ODAD4: variants seen among roughly 807,000 people sequenced by gnomAD.
The protein encoded by ODAD4 is outer dynein arm docking complex subunit 4.
A neutral mutation model predicts 51.8 loss-of-function variants in ODAD4; 49 were observed. The ratio of observed to expected loss-of-function variants is 0.95; its 90% CI spans 0.75 to 1.20. The LOEUF (loss-of-function observed/expected upper bound fraction) is 1.20. ODAD4 is among the 50% of genes most tolerant of loss of function. ODAD4 has a pLI of 0.00. For synonymous variants in ODAD4, 235 were observed against 221.3 expected, an observed-to-expected ratio of 1.06 and a Z score of -0.55; for missense variants, 590 against 586.5, an observed-to-expected ratio of 1.01 and a Z score of -0.06.
In ODAD4 at chr17:41,938,552, C is replaced by T. The variant is rs2050458869; in HGVS notation, c.626-5C>T. The T allele has an allele frequency of 1.2e-6, 2 of 1,613,230 alleles. No individual in the cohort carries two copies. The highest frequency in any genetic ancestry group is 1.7e-6 in the Non-Finnish European group (2 of 1,179,576). ...TTGGCGCCTCCTCACACCCCTTCCC[C>T]ACAGACCTGATCAAAGGCACCATGA... On this transcript the variant is annotated splice_region_variant and splice_polypyrimidine_tract_variant and intron_variant, in intron 5 of 11. Coordinates refer to ENST00000377540, the MANE Select transcript of ODAD4 (RefSeq NM_031421.5).
chr17:41,956,899 T>C (rs2050741659), intron 10 of ODAD4, among the ~76,000 whole-genome samples: 1 of 152,124 alleles, frequency 6.6e-6, no homozygotes, highest in East Asian at 1.9e-4. Context: ...TCTTATTTTC[T>C]TTTTGCTTTT....
chr17:41,937,507 G>A (rs939564487), intron 5 of ODAD4, among the ~76,000 whole-genome samples: 1 of 152,190 alleles, frequency 6.6e-6, no homozygotes, highest in Non-Finnish European at 1.5e-5. Flanking sequence ...GTCTTGCTCT[G>A]TCACACAGGC....
chr17:41,955,660 G>C (rs901706534), intron 10 of ODAD4, among the ~76,000 whole-genome samples: 1 of 152,082 alleles, frequency 6.6e-6, no homozygotes, highest in African/African-American at 2.4e-5. Flanking sequence ...TCCTGACTTT[G>C]TGATCCGCCC....
At chr17:41,949,973 C>G (rs2050632540) in intron 9 of ODAD4, among the ~76,000 whole-genome samples, 1 of 151,650 alleles carries the variant, frequency 6.6e-6, no homozygotes, top group Non-Finnish European at 1.5e-5. Context: ...CATGCCCGGC[C>G]CTGTTTTGTT....
intron 9 of ODAD4, among the ~76,000 whole-genome samples, chr17:41,950,668 G>A (rs894569192): frequency 2.3e-4 from 34 of 151,002 alleles, no homozygotes; most frequent in Admixed American, 1.7e-3. Context: ...GAGCCACTGC[G>A]CCTGGCCGAG....
rs377117826 is a variant in ODAD4 at position 41,935,321 on chromosome 17, G to T, written c.219G>T (p.Ser73=). 3.7e-6 allele frequency: 6 copies of T among 1,613,874 alleles called. No homozygotes were observed. The East Asian group carries it at 1.3e-4, about 36-fold the overall frequency. The change falls in exon 2 of 12, where the codon TCG becomes TCT. Residue 73 remains serine (S), a synonymous_variant. Coordinates refer to ENST00000377540, the MANE Select transcript of ODAD4 (RefSeq NM_031421.5). ...GATCCCTGAAGGATGCTGAGGCTTCGCTCCAGAGTGACCCAGCTTTCTGTA... is the reference window on the plus strand; with the variant it reads ...GATCCCTGAAGGATGCTGAGGCTTCTCTCCAGAGTGACCCAGCTTTCTGTA... ...LERSLKDAEA[S]LQSDPAFCKG... is the part of the protein sequence containing the mutation.
chr17:41,960,191 A>G (rs558197786), intron 10 of ODAD4, among the ~76,000 whole-genome samples: 3 of 152,322 alleles, frequency 2.0e-5, no homozygotes, highest in African/African-American at 7.2e-5. Context: ...GAAAGGCCAG[A>G]CACAGTGGCT....
At chr17:41,963,164 T>C (rs2050827996) in intron 11 of ODAD4, among the ~76,000 whole-genome samples, 2 of 152,208 alleles carry the variant, frequency 1.3e-5, no homozygotes, top group South Asian at 4.2e-4. Context: ...GGTGGCAGCA[T>C]TGCATCTGTT....
intron 10 of ODAD4, among the ~76,000 whole-genome samples, chr17:41,958,372 A>G (rs529668224): frequency 9.2e-5 from 14 of 152,244 alleles, no homozygotes; most frequent in Admixed American, 2.6e-4. Context: ...AAAGTTAATT[A>G]AAACTAGGCT....
intron 7 of ODAD4, among the ~76,000 whole-genome samples, chr17:41,940,949 G>A (rs552201243): frequency 5.9e-5 from 9 of 152,230 alleles, no homozygotes; most frequent in South Asian, 4.1e-4. Flanking sequence ...CCCCATCCCC[G>A]AGGATAGCAC....
At chr17:41,932,507 C>T (rs2144484587) in intron 1 of ODAD4, among the ~76,000 whole-genome samples, 2 of 152,252 alleles carry the variant, frequency 1.3e-5, no homozygotes, top group East Asian at 3.9e-4. Context: ...CAAAACTACA[C>T]ATCTGACATC....
rs149899738 is a variant in ODAD4, at chr17:41,932,391, A to C, written c.114+1554A>C. On this transcript the variant is annotated intron_variant, in intron 1 of 11. Coordinates refer to ENST00000377540, the MANE Select transcript of ODAD4 (RefSeq NM_031421.5). ...CAGTGCATACTCAATTTTATAGATTAGGAAATATACAGAAGTTGAGCAACA... is the reference window on the plus strand; with the variant it reads ...CAGTGCATACTCAATTTTATAGATTCGGAAATATACAGAAGTTGAGCAACA... Among the ~76,000 whole-genome samples, 382 of 152,244 alleles carry C rather than the reference A, an allele frequency of 2.5e-3. 2 individuals carry two copies. Among genetic ancestry groups the C allele is most frequent in the African/African-American group, 8.8e-3 (365 of 41,556 alleles).
intron 3 of ODAD4, 82 bp from the exon 4 acceptor site, chr17:41,936,391 G>A (rs782672876): frequency 7.2e-5 from 73 of 1,010,732 alleles, no homozygotes; most frequent in Non-Finnish European, 1.1e-4. Flanking sequence ...CCTGCCAAAG[G>A]CAGCCATTTC....
At chr17:41,941,783 A>C (rs1395531640) in intron 7 of ODAD4, among the ~76,000 whole-genome samples, 1 of 141,154 alleles carries the variant, frequency 7.1e-6, no homozygotes, top group Non-Finnish European at 1.5e-5. Flanking sequence ...AAAAAAAAAA[A>C]GAGAGAAAAG....
chr17:41,964,419 G>A (rs1313618827), intron 11 of ODAD4, among the ~76,000 whole-genome samples: 1 of 152,110 alleles, frequency 6.6e-6, no homozygotes, highest in Non-Finnish European at 1.5e-5. Context: ...ATCAACGGCA[G>A]TGCGCATTTT....
chr17:41,937,051 T>G, intron 5 of ODAD4, 124 bp downstream of exon 5: 3 of 1,181,766 alleles, frequency 2.5e-6, no homozygotes, highest in South Asian at 3.0e-5. Flanking sequence ...GGACAGGTTT[T>G]ATTAGCATTC....
chr17:41,964,718 A>G (rs1316534131), intron 11 of ODAD4, among the ~76,000 whole-genome samples: 1 of 151,948 alleles, frequency 6.6e-6, no homozygotes, highest in Non-Finnish European at 1.5e-5. Flanking sequence ...ATTTTGGCTC[A>G]TCACAGCCCC....
At chr17:41,931,974 G>T (rs1555636965) in intron 1 of ODAD4, among the ~76,000 whole-genome samples, 1 of 151,782 alleles carries the variant, frequency 6.6e-6, no homozygotes, top group Non-Finnish European at 1.5e-5. Flanking sequence ...TCTCCAGGCT[G>T]GAGTGCAATG....
intron 9 of ODAD4, chr17:41,952,678 C>T (rs782388207): frequency 1.4e-5 from 7 of 516,568 alleles, no homozygotes; most frequent in Non-Finnish European, 2.7e-5. Flanking sequence ...AGGAATACTG[C>T]GACTCCACAT....
Sources: gnomAD v4.1 joint callset for allele counts (sites outside exome capture counted in the v4.1 genomes callset) on GRCh38, gnomAD v4.1.1 for gene constraint, MANE v1.5 for transcripts, NCBI Gene and HGNC (gene_info 2026-07-23, HGNC 2026-07-21) for gene names.